Variants in NOTCH3 observed in about 807,000 individuals in gnomAD.
NOTCH3 encodes neurogenic locus notch homolog protein 3.
NOTCH3 carries 86 observed loss-of-function variants against 213.3 expected under a neutral mutation model. That is an observed-to-expected ratio of 0.40 (90% CI 0.34 to 0.48). The LOEUF is 0.48. Ranked by LOEUF, NOTCH3 falls within the 20% of genes least tolerant of loss-of-function variation. The probability of loss-of-function intolerance (pLI) is 0.57; values close to 1 mark genes in which losing one functional copy is unlikely to be tolerated. For synonymous variants in NOTCH3, 1,354 were observed against 1,355.9 expected, an observed-to-expected ratio of 1.00 and a Z score of 0.03; for missense variants, 2,783 against 3,272.6, an observed-to-expected ratio of 0.85 and a Z score of 3.65.
In NOTCH3 at chr19:15,161,356, G is replaced by A. The variant is rs2046640748; in HGVS notation, c.6272C>T (p.Pro2091Leu). ...CAGCGTGACCGAGCTGTCAGCCAGG[G>A]GGCCCGGGCAGGCCAGCGTCAGCTT... ...GKKLTLACPG[P>L]LADSSVTLSP... The change falls in exon 33 of 33, where the codon CCC (proline) becomes CTC (leucine). Residue 2091 changes from proline to leucine, a missense_variant. Pro to Leu is a moderately conservative substitution (Grantham distance 98). Transcript: ENST00000263388. 2.6e-6 allele frequency: 4 copies of A among 1,525,342 alleles called. No individual in the cohort carries two copies. The highest frequency in any genetic ancestry group is 3.5e-6 in the Non-Finnish European group (4 of 1,137,944). 94.5% of individuals were successfully genotyped at this position (1,525,342 alleles called of 1,614,324 possible).
rs771825923 is a variant in NOTCH3 at position 15,189,262 on chromosome 19, G to A, written c.1192+11C>T. On this transcript the variant is annotated intron_variant, in intron 7 of 32. Coordinates refer to ENST00000263388, the MANE Select transcript of NOTCH3 (RefSeq NM_000435.3). ...TCCCAGCCCATTCACAGACGATGGA[G>A]CTCCCCTCACCGATAGAGCACTCGT... The A allele has an allele frequency of 6.2e-7, 1 of 1,613,978 alleles. No individual in the cohort carries two copies. The highest frequency in any genetic ancestry group is 8.5e-7 in the Non-Finnish European group (1 of 1,180,022).
chr19:15,168,433 C>T (rs1188007228), intron 28 of NOTCH3, among the ~76,000 whole-genome samples: 1 of 152,098 alleles, frequency 6.6e-6, no homozygotes, highest in Non-Finnish European at 1.5e-5. Flanking sequence ...TACTTTACAG[C>T]GTCCTCAGAG....
chr19:15,164,235 T>C (rs944666217), intron 31 of NOTCH3, among the ~76,000 whole-genome samples: 1 of 151,900 alleles, frequency 6.6e-6, no homozygotes, highest in Non-Finnish European at 1.5e-5. Flanking sequence ...TTTTTGTTTT[T>C]TGTTTTTTGT....
chr19:15,175,874 A>G (rs147295349), intron 24 of NOTCH3, among the ~76,000 whole-genome samples: 22 of 151,612 alleles, frequency 1.5e-4, no homozygotes, highest in Non-Finnish European at 2.9e-4. Context: ...GAACAGAGTG[A>G]GTGAGGGGAA....
rs377045673 is a variant in NOTCH3 at position 15,191,926 on chromosome 19, A to AC, written c.679+33dup. The AC allele has an allele frequency of 9.9e-6, 16 of 1,613,370 alleles. No individual in the cohort carries two copies. In the African/African-American group the frequency reaches 1.7e-4, roughly 18 times the overall value. The stretch of plus-strand genomic sequence containing the variant: ...GGGCTGGCCTGCTGTCCCCACGCCC[A>AC]CCCCTCTGACTCTCCTGAGTAGGGC... On this transcript the variant is annotated intron_variant, in intron 4 of 32. Transcript: ENST00000263388.
rs1159660262 is a variant in NOTCH3 at position 15,170,877 on chromosome 19, C to T, written c.4737-52G>A. 3 of 1,592,016 alleles carry T rather than the reference C, an allele frequency of 1.9e-6. No homozygotes were observed. The African/African-American group carries it at 4.0e-5, about 21-fold the overall frequency. On this transcript the variant is annotated intron_variant, in intron 25 of 32. Transcript: ENST00000263388. ...AGGGCTCAAAAATTGCCCGATGCAC[C>T]CCCTGGTACCAAGCCCCACTTTCCC...
intron 25 of NOTCH3, among the ~76,000 whole-genome samples, chr19:15,171,728 T>G (rs1007498232): frequency 1.3e-5 from 2 of 152,232 alleles, no homozygotes; most frequent in Non-Finnish European, 2.9e-5. Context: ...TGGAGTGCAG[T>G]GGTGCAATCT....
At chr19:15,175,585 G>GTATA (rs762355254) in intron 24 of NOTCH3, among the ~76,000 whole-genome samples, 42 of 112,650 alleles carry the variant, frequency 3.7e-4, no homozygotes, top group East Asian at 2.2e-3. Flanking sequence ...GTATATATAT[G>GTATA]TATATACACA....
rs1599365056 is a variant in NOTCH3 at position 15,165,923 on chromosome 19, T to G, written c.5531A>C (p.His1844Pro). ...AGCACGGGCATAACGGGCAGCCAGGTGCAAAGCAGTCTCGCCAGTACGGTC... is the reference window on the plus strand; with the variant it reads ...AGCACGGGCATAACGGGCAGCCAGGGGCAAAGCAGTCTCGCCAGTACGGTC... ...RTDRTGETAL[H>P]LAARYARADA... The change falls in exon 30 of 33, where the codon CAC (histidine) becomes CCC (proline). Residue 1844 changes from histidine to proline, a missense_variant. This residue lies in a region of NOTCH3 where 636 missense variants were observed against 801.8 expected (regional missense o/e 0.79). Coordinates refer to ENST00000263388, the MANE Select transcript of NOTCH3 (RefSeq NM_000435.3). The surrounding 1 kb of genome is among the most constrained non-coding windows in gnomAD (Gnocchi z 4.7). The G allele has an allele frequency of 6.2e-7, 1 of 1,614,090 alleles. No individual in the cohort carries two copies. Among genetic ancestry groups the G allele is most frequent in the Non-Finnish European group, 8.5e-7 (1 of 1,180,000 alleles).
At chr19:15,183,667 G>A (rs1016462757) in intron 16 of NOTCH3, among the ~76,000 whole-genome samples, 3 of 152,128 alleles carry the variant, frequency 2.0e-5, no homozygotes, top group African/African-American at 7.2e-5. Flanking sequence ...CCAAAGTGCT[G>A]AGATTACAGG....
intron 31 of NOTCH3, among the ~76,000 whole-genome samples, chr19:15,164,090 T>C (rs1031998174): frequency 6.6e-6 from 1 of 152,226 alleles, no homozygotes; most frequent in Non-Finnish European, 1.5e-5. Flanking sequence ...TGAGAATTTA[T>C]TTTTCAGGTG....
chr19:15,184,940 C>G lies in NOTCH3; in HGVS notation c.2376G>C (p.Gln792His), dbSNP rs2145428606. The G allele has an allele frequency of 1.3e-6, 2 of 1,549,850 alleles. No homozygotes were observed. The highest frequency in any genetic ancestry group is 1.7e-6 in the Non-Finnish European group (2 of 1,146,174). Residue 792 changes from glutamine (Q) to histidine (H), a missense_variant, in exon 15 of 33, where the codon CAG becomes CAC. This residue lies in a region of NOTCH3 where 861 missense variants were observed against 909.1 expected (regional missense o/e 0.95). Coordinates refer to ENST00000263388, the MANE Select transcript of NOTCH3 (RefSeq NM_000435.3). ...HGGRCESAPG[Q>H]LPVCSCPQGW... ...CCTGGGGGCAGGAGCAGACAGGCAG[C>G]TGGCCAGGGGCAGACTCGCAGCGGC...
chr19:15,178,973 A>T (rs780834727), intron 22 of NOTCH3, 32 bp from the exon 23 acceptor site: 2 of 1,614,114 alleles, frequency 1.2e-6, no homozygotes, highest in South Asian at 2.2e-5. Context: ...GATCAGCCAC[A>T]ATGGGGGAAT....
chr19:15,195,052 T>A (rs2046958803), intron 2 of NOTCH3, among the ~76,000 whole-genome samples: 1 of 150,548 alleles, frequency 6.6e-6, no homozygotes, highest in Admixed American at 6.6e-5. Context: ...AAACCACAGC[T>A]ACACACACAG....
At chr19:15,192,918 G>GAAACA (rs925331810) in intron 2 of NOTCH3, among the ~76,000 whole-genome samples, 2 of 151,636 alleles carry the variant, frequency 1.3e-5, no homozygotes, top group Non-Finnish European at 1.5e-5. Context: ...CGGTCTCAAA[G>GAAACA]AAACAAAACA....
rs975242904 is a variant in NOTCH3 at position 15,191,950 on chromosome 19, G to C, written c.679+10C>G. The C allele has an allele frequency of 6.2e-7, 1 of 1,613,480 alleles. No homozygotes were observed. The highest frequency in any genetic ancestry group is 8.5e-7 in the Non-Finnish European group (1 of 1,180,028). On this transcript the variant is annotated intron_variant, in intron 4 of 32. Transcript: ENST00000263388. Reference sequence around the variant, plus strand: ...CACCCCTCTGACTCTCCTGAGTAGGGCTCACTCACCAGGAAGACAGGCACA... The same window carrying C: ...CACCCCTCTGACTCTCCTGAGTAGGCCTCACTCACCAGGAAGACAGGCACA...
In NOTCH3 at chr19:15,184,777, T is replaced by C. The variant is rs946994690; in HGVS notation, c.2410+129A>G. The C allele has an allele frequency of 1.9e-5, 12 of 648,604 alleles. 1 individual carries two copies. The highest frequency in any genetic ancestry group is 7.7e-4 in the Middle Eastern group (2 of 2,588). The allele number at this position is 648,604 out of a possible 1,614,324, so 40.2% of individuals were successfully genotyped here. A position where few individuals can be genotyped will look rare whatever the true frequency, so the allele number is the denominator to read the frequency against. The stretch of plus-strand genomic sequence containing the variant: ...GCATATCAGTGTCCAGCTCTGTCCT[T>C]CCAAGAAGGAAGCCCCTCTCAAAGG... On this transcript the variant is annotated intron_variant, in intron 15 of 32. Coordinates refer to ENST00000263388, the MANE Select transcript of NOTCH3 (RefSeq NM_000435.3).
In NOTCH3 at chr19:15,160,584, G is replaced by A. The variant is rs190171436; in HGVS notation, c.*78C>T. On this transcript the variant is annotated 3_prime_UTR_variant, in exon 33 of 33. Coordinates refer to ENST00000263388, the MANE Select transcript of NOTCH3 (RefSeq NM_000435.3). ...AGAAGAGGATGAAAAAGACTAAAAG[G>A]AAGGAAGAGACAGAGAAAGAAAGGA... 27 of 1,135,084 alleles carry A rather than the reference G, an allele frequency of 2.4e-5. No individual in the cohort carries two copies. In the African/African-American group the frequency reaches 4.0e-4, roughly 17 times the overall value. 70.3% of individuals were successfully genotyped at this position (1,135,084 alleles called of 1,614,324 possible).
In NOTCH3 at chr19:15,178,812, C is replaced by T. The variant is rs752485887; in HGVS notation, c.3837+11G>A. On this transcript the variant is annotated intron_variant, in intron 23 of 32. Coordinates refer to ENST00000263388, the MANE Select transcript of NOTCH3 (RefSeq NM_000435.3). ...CCTACTCCTCCTCCAAAGGCCGCCACCCACACCTACCTGGGCACAGTGACA... is the reference window on the plus strand; with the variant it reads ...CCTACTCCTCCTCCAAAGGCCGCCATCCACACCTACCTGGGCACAGTGACA... The T allele has an allele frequency of 2.7e-5, 42 of 1,581,538 alleles. No homozygotes were observed. Among genetic ancestry groups the T allele is most frequent in the Non-Finnish European group, 3.5e-5 (41 of 1,161,820 alleles).
Sources: gnomAD v4.1 joint callset for allele counts (sites outside exome capture counted in the v4.1 genomes callset) on GRCh38, gnomAD v4.1.1 for gene constraint, gnomAD v4.1.1 regional missense constraint, Gnocchi (gnomAD v3.1) non-coding constraint, MANE v1.5 for transcripts, NCBI Gene and HGNC (gene_info 2026-07-23, HGNC 2026-07-21) for gene names.